Variants in POU6F2 observed in about 807,000 individuals in gnomAD.
POU6F2 encodes the protein POU domain, class 6, transcription factor 2.
A neutral mutation model predicts 71.3 loss-of-function variants in POU6F2; 31 were observed. That is an observed-to-expected ratio of 0.43 (90% confidence interval 0.33 to 0.59). The LOEUF is 0.59. Among genes scored for constraint, POU6F2 ranks in the 20% least tolerant of loss-of-function variants. The pLI, the probability that POU6F2 is intolerant of heterozygous loss-of-function variation, is 0.04. For missense variants in POU6F2, 783 were observed against 856.8 expected, an observed-to-expected ratio of 0.91 and a Z score of 1.07; for synonymous variants, 347 against 355.7, an observed-to-expected ratio of 0.98 and a Z score of 0.27.
chr7:39,260,815 CACATT>C (rs1258716037), intron 4 of POU6F2, among the ~76,000 whole-genome samples: 1 of 151,990 alleles, frequency 6.6e-6, no homozygotes, highest in South Asian at 2.1e-4. Context: ...ATACATACAT[CACATT>C]ACACATACCA....
intron 4 of POU6F2, among the ~76,000 whole-genome samples, chr7:39,305,551 A>G (rs866749188): frequency 2.0e-5 from 3 of 152,344 alleles, no homozygotes; most frequent in Middle Eastern, 3.4e-3. Context: ...ATGTGCAGCA[A>G]GTGTCTGCAC....
At chr7:38,978,828 G>T (rs895670102) in intron 1 of POU6F2, among the ~76,000 whole-genome samples, 5 of 152,098 alleles carry the variant, frequency 3.3e-5, no homozygotes, top group Non-Finnish European at 7.4e-5. Flanking sequence ...GAGCTTTCCC[G>T]CTCTGTCGTC....
At chr7:39,213,669 T>A (rs1483659747) in intron 4 of POU6F2, among the ~76,000 whole-genome samples, 1 of 152,250 alleles carries the variant, frequency 6.6e-6, no homozygotes, top group Non-Finnish European at 1.5e-5. Flanking sequence ...TTCGGCATAA[T>A]GTTTTTGAGG....
At chr7:38,995,916 C>T (rs1464859472) in intron 1 of POU6F2, among the ~76,000 whole-genome samples, 4 of 152,140 alleles carry the variant, frequency 2.6e-5, no homozygotes, top group Middle Eastern at 3.4e-3. Context: ...TCCTCACATT[C>T]TTGCTTCTTC....
chr7:39,453,701 T>C (rs1788714708), intron 8 of POU6F2, among the ~76,000 whole-genome samples: 1 of 152,188 alleles, frequency 6.6e-6, no homozygotes, highest in Non-Finnish European at 1.5e-5. Context: ...AGAGATACTT[T>C]AATGGGCCAG....
At chr7:39,188,531 AC>A (rs1793592685) in intron 2 of POU6F2, among the ~76,000 whole-genome samples, 1 of 152,104 alleles carries the variant, frequency 6.6e-6, no homozygotes, top group African/African-American at 2.4e-5. Context: ...CAAGCTGGTC[AC>A]AAACTCCTGG....
chr7:39,104,340 TCTGA>T (rs1182017111), intron 2 of POU6F2, among the ~76,000 whole-genome samples: 1 of 152,238 alleles, frequency 6.6e-6, no homozygotes, highest in Non-Finnish European at 1.5e-5. Context: ...TGCATTTCTG[TCTGA>T]CTTAGTGTTA....
intron 4 of POU6F2, among the ~76,000 whole-genome samples, chr7:39,315,587 C>T (rs1280626161): frequency 6.6e-6 from 1 of 152,158 alleles, no homozygotes; most frequent in Non-Finnish European, 1.5e-5. Flanking sequence ...ATCTGAGTGG[C>T]CCCTCATCAT....
intron 2 of POU6F2, among the ~76,000 whole-genome samples, chr7:39,179,127 G>C (rs1376296031): frequency 6.6e-6 from 1 of 152,128 alleles, no homozygotes; most frequent in Non-Finnish European, 1.5e-5. Context: ...AGCATTATCA[G>C]TCAGTGAAGA....
chr7:39,012,730 T>C (rs1462385532), intron 1 of POU6F2, among the ~76,000 whole-genome samples: 6 of 151,640 alleles, frequency 4.0e-5, no homozygotes, highest in Admixed American at 2.0e-4. Context: ...TGTTTGTTAG[T>C]TTTCCTTCTA....
At chr7:39,057,254 C>T (rs1790548745) in intron 1 of POU6F2, among the ~76,000 whole-genome samples, 1 of 152,062 alleles carries the variant, frequency 6.6e-6, no homozygotes, top group African/African-American at 2.4e-5. Flanking sequence ...AAAATGGTAA[C>T]TGGGAAAGGC....
In POU6F2 at chr7:39,314,385, GA is replaced by G. The variant is rs1785223010; in HGVS notation, c.599-25255del. 1.3e-5 allele frequency among the ~76,000 whole-genome samples: 2 copies of G among 152,214 alleles called. 1 individual carries two copies. Among genetic ancestry groups the G allele is most frequent in the East Asian group, 3.8e-4 (2 of 5,196 alleles). ...TCCCAGCTAGGCATGGGCCTTGGTT[GA>G]AGCAAGCTTCAGTATTTCTTTGATG... On this transcript the variant is annotated intron_variant, in intron 4 of 9. Transcript: ENST00000518318.
chr7:39,306,504 G>A (rs535490576), intron 4 of POU6F2, among the ~76,000 whole-genome samples: 7 of 152,180 alleles, frequency 4.6e-5, no homozygotes, highest in East Asian at 1.9e-4. Flanking sequence ...TCCCAGCTAC[G>A]CCATCCTACC....
intron 1 of POU6F2, among the ~76,000 whole-genome samples, chr7:39,075,097 G>A (rs1790971216): frequency 6.6e-6 from 1 of 152,094 alleles, no homozygotes. Flanking sequence ...AGGTGAGGCT[G>A]GCCACAGACT....
intron 1 of POU6F2, chr7:39,013,108 C>A (rs1302802304): frequency 2.0e-5 from 3 of 153,168 alleles, no homozygotes; most frequent in Admixed American, 6.5e-5. Flanking sequence ...TGGGCAATGG[C>A]GGGCGCCCCT....
chr7:39,408,205 G>A (rs746717086), intron 6 of POU6F2, among the ~76,000 whole-genome samples: 4 of 152,136 alleles, frequency 2.6e-5, no homozygotes, highest in Non-Finnish European at 5.9e-5. Context: ...TCCTGCCAGG[G>A]AGCTGGCCCT....
chr7:39,397,265 A>G (rs549855650), intron 5 of POU6F2, among the ~76,000 whole-genome samples: 115 of 151,786 alleles, frequency 7.6e-4, no homozygotes, highest in African/African-American at 2.6e-3. Flanking sequence ...GAGTCACCAG[A>G]TGTGTGAGGC....
intron 8 of POU6F2, among the ~76,000 whole-genome samples, chr7:39,458,992 G>A (rs1320686346): frequency 1.3e-5 from 2 of 152,116 alleles, no homozygotes; most frequent in Non-Finnish European, 2.9e-5. Context: ...CATACCATTA[G>A]TTCTTGATTA....
At chr7:39,161,367 T>A (rs1792994413) in intron 2 of POU6F2, among the ~76,000 whole-genome samples, 1 of 152,226 alleles carries the variant, frequency 6.6e-6, no homozygotes. Context: ...GCCTGAAGTA[T>A]ATTTCTTTGT....
Sources: gnomAD v4.1 joint callset for allele counts (sites outside exome capture counted in the v4.1 genomes callset) on GRCh38, gnomAD v4.1.1 for gene constraint, MANE v1.5 for transcripts, NCBI Gene and HGNC (gene_info 2026-07-23, HGNC 2026-07-21) for gene names.